SMYD3: variants seen among roughly 807,000 people sequenced by gnomAD.
The protein encoded by SMYD3 is histone-lysine N-methyltransferase SMYD3.
Under a neutral mutation model 57.7 loss-of-function variants are expected in SMYD3, and 36 were observed. The observed-to-expected ratio is 0.62, with a 90% CI of 0.48 to 0.82. The LOEUF (loss-of-function observed/expected upper bound fraction) is 0.82. Among genes scored for constraint, SMYD3 ranks in the 40% least tolerant of loss-of-function variants. The pLI, the probability that SMYD3 is intolerant of heterozygous loss-of-function variation, is 0.00. For missense variants in SMYD3, 515 were observed against 538.8 expected, an observed-to-expected ratio of 0.96 and a Z score of 0.44; for synonymous variants, 211 against 195.0, an observed-to-expected ratio of 1.08 and a Z score of -0.68.
chr1:246,033,477 C>T lies in SMYD3; in HGVS notation c.532-103540G>A, dbSNP rs749627549. Among the ~76,000 whole-genome samples, 6 of 152,112 alleles carry T rather than the reference C, an allele frequency of 3.9e-5. 1 individual carries two copies. Among genetic ancestry groups the T allele is most frequent in the Non-Finnish European group, 8.8e-5 (6 of 68,024 alleles). Reference sequence around the variant, plus strand: ...TGATAGAAATGCCCTGTTTCTTGACCATATCAAATGTCAAAACATCAATGT... The same window carrying T: ...TGATAGAAATGCCCTGTTTCTTGACTATATCAAATGTCAAAACATCAATGT... On this transcript the variant is annotated intron_variant, in intron 5 of 11. Coordinates refer to ENST00000490107, the MANE Select transcript of SMYD3 (RefSeq NM_001167740.2).
chr1:246,062,775 T>C (rs564077908), intron 5 of SMYD3, among the ~76,000 whole-genome samples: 1 of 152,266 alleles, frequency 6.6e-6, no homozygotes, highest in Non-Finnish European at 1.5e-5. Flanking sequence ...AAATGTTCAA[T>C]AACGTTTCAG....
At chr1:246,160,079 A>T (rs1167874954) in intron 5 of SMYD3, among the ~76,000 whole-genome samples, 1 of 151,996 alleles carries the variant, frequency 6.6e-6, no homozygotes, top group African/African-American at 2.4e-5. Flanking sequence ...GCTTGATCTG[A>T]CTCCTAAATT....
intron 5 of SMYD3, among the ~76,000 whole-genome samples, chr1:246,288,207 G>A (rs2064612958): frequency 6.6e-6 from 1 of 151,408 alleles, no homozygotes; most frequent in Admixed American, 6.6e-5. Flanking sequence ...CTAAGTAGCT[G>A]GAATTACAGG....
chr1:246,131,410 A>T (rs1558255635), intron 5 of SMYD3, among the ~76,000 whole-genome samples: 1 of 152,200 alleles, frequency 6.6e-6, no homozygotes. Context: ...TGAAATGTTG[A>T]GTCAAAGACA....
At chr1:245,785,451 A>C (rs1374924850) in intron 10 of SMYD3, among the ~76,000 whole-genome samples, 10 of 152,130 alleles carry the variant, frequency 6.6e-5, no homozygotes, top group African/African-American at 1.9e-4. Flanking sequence ...TGCAGATGCA[A>C]TACTGTGCCT....
chr1:246,251,213 T>G (rs1049736420), intron 5 of SMYD3, among the ~76,000 whole-genome samples: 3 of 152,206 alleles, frequency 2.0e-5, no homozygotes, highest in African/African-American at 7.2e-5. Context: ...TTTGGGTTGT[T>G]AGGACAGTAT....
intron 5 of SMYD3, among the ~76,000 whole-genome samples, chr1:245,990,596 G>A (rs764163142): frequency 3.3e-5 from 5 of 152,152 alleles, no homozygotes; most frequent in Non-Finnish European, 5.9e-5. Context: ...CAAAAACCAG[G>A]GTATTTCCTG....
At chr1:246,390,557 A>G (rs35482459) in intron 1 of SMYD3, among the ~76,000 whole-genome samples, 6,301 of 152,278 alleles carry the variant, frequency 0.041, 203 homozygotes, top group Non-Finnish European at 0.058. Flanking sequence ...CAACAGAAAT[A>G]TGAGAACCAT....
chr1:246,218,331 T>G (rs2063197887), intron 5 of SMYD3, among the ~76,000 whole-genome samples: 1 of 151,942 alleles, frequency 6.6e-6, no homozygotes, highest in African/African-American at 2.4e-5. Context: ...GCTTTAAAAG[T>G]AGTGGCAACA....
At chr1:246,405,085 G>A (rs994379577) in intron 1 of SMYD3, among the ~76,000 whole-genome samples, 1 of 151,994 alleles carries the variant, frequency 6.6e-6, no homozygotes, top group Non-Finnish European at 1.5e-5. Context: ...CCAAGTAGCT[G>A]GGACTACAGG....
At chr1:246,184,077 C>T (rs779510162) in intron 5 of SMYD3, among the ~76,000 whole-genome samples, 8 of 152,170 alleles carry the variant, frequency 5.3e-5, no homozygotes, top group Non-Finnish European at 1.0e-4. Context: ...CTCCAAGATC[C>T]ACAAAAGATC....
At chr1:245,817,317 C>T (rs1289376100) in intron 10 of SMYD3, among the ~76,000 whole-genome samples, 1 of 144,610 alleles carries the variant, frequency 6.9e-6, no homozygotes, top group Non-Finnish European at 1.5e-5. Flanking sequence ...GGTATTCCAA[C>T]AGCCCTGCAG....
chr1:246,053,525 C>T (rs2060096583), intron 5 of SMYD3, among the ~76,000 whole-genome samples: 1 of 152,060 alleles, frequency 6.6e-6, no homozygotes, highest in Non-Finnish European at 1.5e-5. Context: ...GGCAATTGAT[C>T]TCCAACAAAG....
At chr1:245,968,117 C>T (rs1331880844) in intron 5 of SMYD3, among the ~76,000 whole-genome samples, 1 of 152,022 alleles carries the variant, frequency 6.6e-6, no homozygotes, top group African/African-American at 2.4e-5. Flanking sequence ...GATAATGCTA[C>T]TTCCCCCTCA....
intron 5 of SMYD3, among the ~76,000 whole-genome samples, chr1:246,009,082 C>A (rs2059229953): frequency 6.6e-6 from 1 of 152,132 alleles, no homozygotes; most frequent in South Asian, 2.1e-4. Flanking sequence ...AGTCAACACT[C>A]AGTAAATGAT....
intron 5 of SMYD3, among the ~76,000 whole-genome samples, chr1:246,160,489 C>T (rs528688491): frequency 6.6e-6 from 1 of 152,126 alleles, no homozygotes; most frequent in East Asian, 1.9e-4. Flanking sequence ...GCCAGTTCCT[C>T]GGTGCTGAAA....
rs181114756 is a variant in SMYD3 at position 245,920,122 on chromosome 1, G to A, written c.703-4482C>T. Reference sequence around the variant, plus strand: ...AGGTCAGGAGATTGAGACCATCCTGGCTAACACGGTGAAACCCCGTCTCTA... The same window carrying A: ...AGGTCAGGAGATTGAGACCATCCTGACTAACACGGTGAAACCCCGTCTCTA... On this transcript the variant is annotated intron_variant, in intron 7 of 11. Coordinates refer to ENST00000490107, the MANE Select transcript of SMYD3 (RefSeq NM_001167740.2). 3.9e-5 allele frequency among the ~76,000 whole-genome samples: 6 copies of A among 152,138 alleles called. 1 individual carries two copies. The South Asian group carries it at 1.0e-3, about 26-fold the overall frequency.
chr1:245,817,284 C>A lies in SMYD3; in HGVS notation c.1076+41212G>T, dbSNP rs959722913. 9.5e-5 allele frequency among the ~76,000 whole-genome samples: 13 copies of A among 137,068 alleles called. 2 individuals are homozygous for A. Among genetic ancestry groups the A allele is most frequent in the Admixed American group, 8.6e-4 (12 of 13,916 alleles). The allele number at this position is 137,068 out of a possible 152,430, so 89.9% of individuals were successfully genotyped here. A position where few individuals can be genotyped will look rare whatever the true frequency, so the allele number is the denominator to read the frequency against. ...ACTGGGAGGCACCCCCCAGCAGGGG[C>A]ACACTGACACCTCACATGGCAGGGT... is the stretch of plus-strand genomic sequence containing the variant. On this transcript the variant is annotated intron_variant, in intron 10 of 11. Coordinates refer to ENST00000490107, the MANE Select transcript of SMYD3 (RefSeq NM_001167740.2).
intron 5 of SMYD3, among the ~76,000 whole-genome samples, chr1:246,165,900 G>T (rs558936568): frequency 6.6e-6 from 1 of 152,054 alleles, no homozygotes; most frequent in African/African-American, 2.4e-5. Context: ...GGAGGCCCTG[G>T]CAATGCAGAC....
Sources: allele counts gnomAD v4.1 joint callset (sites outside exome capture counted in the v4.1 genomes callset), GRCh38; gene constraint gnomAD v4.1.1; transcripts MANE v1.5; gene names NCBI Gene and HGNC (gene_info 2026-07-23, HGNC 2026-07-21).